The following DLGAP2 variants were observed in gnomAD, a reference collection of about 807,000 sequenced individuals.
DLGAP2 encodes the protein DLG associated protein 2, also known as disks large-associated protein 2.
In DLGAP2, 26 loss-of-function variants were observed where a neutral mutation model predicts 100.3. The ratio of observed to expected loss-of-function variants is 0.26; its 90% CI spans 0.19 to 0.36. DLGAP2 has a LOEUF of 0.36. Ranked by LOEUF, DLGAP2 falls within the 10% of genes least tolerant of loss-of-function variation. The pLI is 1.00. For synonymous variants in DLGAP2, 886 were observed against 630.1 expected (o/e 1.41, Z -6.08); for missense variants, 1,858 against 1,453.2 (o/e 1.28, Z -4.53).
At chr8:1,596,082 C>T (rs895582985) in intron 6 of DLGAP2, among the ~76,000 whole-genome samples, 1 of 134,342 alleles carries the variant, frequency 7.4e-6, no homozygotes, top group Non-Finnish European at 1.5e-5. Flanking sequence ...TCCATGGGTT[C>T]TCATCGTTCA....
At chr8:1,159,870 C>T (rs548713871) in intron 2 of DLGAP2, among the ~76,000 whole-genome samples, 1 of 152,186 alleles carries the variant, frequency 6.6e-6, no homozygotes. Context: ...TCTACAGGCC[C>T]CCCAACCCCT....
At chr8:1,576,899 C>T (rs912783956) in intron 6 of DLGAP2, among the ~76,000 whole-genome samples, 1 of 152,108 alleles carries the variant, frequency 6.6e-6, no homozygotes, top group Non-Finnish European at 1.5e-5. Flanking sequence ...TGCCTTTCTT[C>T]ACAGAATTGG....
At chr8:1,206,889 C>T (rs574821275) in intron 2 of DLGAP2, among the ~76,000 whole-genome samples, 37 of 152,296 alleles carry the variant, frequency 2.4e-4, no homozygotes, top group African/African-American at 6.3e-4. Context: ...TCCCTGTCCC[C>T]GGTCTGCCCC....
chr8:1,193,761 C>A (rs1797690273), intron 2 of DLGAP2, among the ~76,000 whole-genome samples: 1 of 152,022 alleles, frequency 6.6e-6, no homozygotes, highest in Admixed American at 6.6e-5. Context: ...TGGAGCAGAT[C>A]CCAGTCTCGG....
intron 2 of DLGAP2, among the ~76,000 whole-genome samples, chr8:1,192,279 A>C (rs751071944): frequency 1.3e-5 from 2 of 152,086 alleles, no homozygotes; most frequent in Non-Finnish European, 2.9e-5. Flanking sequence ...TCAAGTACTT[A>C]TTTACGCTTA....
chr8:1,463,857 G>C (rs1393522693), intron 3 of DLGAP2, among the ~76,000 whole-genome samples: 1 of 152,240 alleles, frequency 6.6e-6, no homozygotes. Flanking sequence ...CACAAGCTCT[G>C]CTGGGGTTTT....
chr8:1,205,833 A>G (rs545495616), intron 2 of DLGAP2, among the ~76,000 whole-genome samples: 1 of 152,250 alleles, frequency 6.6e-6, no homozygotes, highest in East Asian at 1.9e-4. Context: ...AATACATCAA[A>G]TCTGGAGTAG....
chr8:1,317,682 G>C (rs1364260425), intron 3 of DLGAP2, among the ~76,000 whole-genome samples: 2 of 131,670 alleles, frequency 1.5e-5, no homozygotes, highest in Admixed American at 7.5e-5. Flanking sequence ...CGAGTGCAGC[G>C]TCTCTCCAAC....
At position 1,182,415 on chromosome 8, in the gene DLGAP2, C is replaced by T. The variant is rs777935394; in HGVS notation, c.74-76436C>T. Among the ~76,000 whole-genome samples, 10 of 152,300 alleles carry T rather than the reference C, an allele frequency of 6.6e-5. No homozygotes were observed. In the South Asian group the frequency reaches 1.5e-3, roughly 22 times the overall value. ...CAGAATTGTATCAGTAGGACCTGAG[C>T]GTGCATTTAATGCTCACACGTGTGA... On this transcript the variant is annotated intron_variant, in intron 2 of 14. Coordinates refer to ENST00000637795, the MANE Select transcript of DLGAP2 (RefSeq NM_001346810.2).
chr8:1,227,452 A>G (rs986482938), intron 2 of DLGAP2, among the ~76,000 whole-genome samples: 1 of 150,870 alleles, frequency 6.6e-6, no homozygotes, highest in Non-Finnish European at 1.5e-5. Flanking sequence ...CACATGTGAG[A>G]TGAATCTCTT....
chr8:1,495,312 G>T (rs1254863898), intron 3 of DLGAP2, among the ~76,000 whole-genome samples: 1 of 152,136 alleles, frequency 6.6e-6, no homozygotes, highest in Non-Finnish European at 1.5e-5. Flanking sequence ...CGGCAGCTGT[G>T]GGGGAAGCAT....
At chr8:1,034,566 G>C (rs149963364) in intron 2 of DLGAP2, among the ~76,000 whole-genome samples, 22 of 25,474 alleles carry the variant, frequency 8.6e-4, no homozygotes, top group Admixed American at 1.1e-3. Flanking sequence ...GGACTCACAC[G>C]CTCATCCCGA....
In DLGAP2 at chr8:815,088, G is replaced by C. The variant is rs539205852; in HGVS notation, c.18+77263G>C. Among the ~76,000 whole-genome samples, 15 of 152,288 alleles carry C rather than the reference G, an allele frequency of 9.8e-5. No homozygotes were observed. In the South Asian group the frequency reaches 2.9e-3, roughly 29 times the overall value. ...TTAGAAGCTAAAGAAGGAGGTAATA[G>C]AAAGGGGGGTGTCGCAGTGCATGTG... On this transcript the variant is annotated intron_variant, in intron 1 of 14. Transcript: ENST00000637795.
chr8:1,373,001 G>GT (rs780032009), intron 3 of DLGAP2, among the ~76,000 whole-genome samples: 1 of 152,206 alleles, frequency 6.6e-6, no homozygotes, highest in Non-Finnish European at 1.5e-5. Context: ...CAAGATGACA[G>GT]TTTCGCTCAT....
intron 2 of DLGAP2, among the ~76,000 whole-genome samples, chr8:1,225,195 G>A (rs1490128053): frequency 2.0e-5 from 3 of 152,182 alleles, no homozygotes; most frequent in African/African-American, 7.2e-5. Context: ...CCACAGGGGT[G>A]GATGGATAAG....
intron 3 of DLGAP2, among the ~76,000 whole-genome samples, chr8:1,264,753 G>A (rs1273164482): frequency 6.6e-6 from 1 of 152,176 alleles, no homozygotes; most frequent in African/African-American, 2.4e-5. Context: ...TTAAGGAAGT[G>A]ATATGGTTTT....
intron 3 of DLGAP2, among the ~76,000 whole-genome samples, chr8:1,282,008 C>T (rs1001313250): frequency 3.4e-5 from 5 of 148,440 alleles, no homozygotes; most frequent in African/African-American, 1.3e-4. Flanking sequence ...ACCATCCAGA[C>T]ATGGTGTGAC....
At position 1,277,896 on chromosome 8, in the gene DLGAP2, CA is replaced by C. The variant is rs1281964927; in HGVS notation, c.106+19014del. ...TGTGTCATGTCCGTGACAATGCTGA[CA>C]GCGGAAACGTTATCTTGAATCTCTG... On this transcript the variant is annotated intron_variant, in intron 3 of 14. Transcript: ENST00000637795. 2.6e-5 allele frequency among the ~76,000 whole-genome samples: 4 copies of C among 152,204 alleles called. 1 individual carries two copies. Among genetic ancestry groups the C allele is most frequent in the Non-Finnish European group, 5.9e-5 (4 of 68,040 alleles).
intron 1 of DLGAP2, among the ~76,000 whole-genome samples, chr8:885,676 G>C (rs1207088337): frequency 2.6e-5 from 4 of 152,156 alleles, no homozygotes; most frequent in African/African-American, 7.2e-5. Context: ...AGAGTGATGA[G>C]AGAGGGCCTC....
Sources: allele counts gnomAD v4.1 joint callset (sites outside exome capture counted in the v4.1 genomes callset), GRCh38; gene constraint gnomAD v4.1.1; transcripts MANE v1.5; gene names NCBI Gene and HGNC (gene_info 2026-07-23, HGNC 2026-07-21).